The following EME2 variants were observed in gnomAD, a reference collection of about 807,000 sequenced individuals.
The protein encoded by EME2 is structure-specific endonuclease subunit EME2.
EME2 carries 58 observed loss-of-function variants against 41.9 expected under a neutral mutation model. That is an observed-to-expected ratio of 1.38 (90% CI 1.12 to 1.72). The LOEUF (loss-of-function observed/expected upper bound fraction) is 1.72. Among genes scored for constraint, EME2 ranks in the 40% most tolerant of loss-of-function variants. The pLI is 0.00. For synonymous variants in EME2, 334 were observed against 239.3 expected, an observed-to-expected ratio of 1.40 and a Z score of -3.65; for missense variants, 695 against 541.9, an observed-to-expected ratio of 1.28 and a Z score of -2.81.
At position 1,777,223 on chromosome 16, in the gene EME2, G is replaced by A; in HGVS notation, c.*985G>A. On this transcript the variant is annotated 3_prime_UTR_variant, in exon 8 of 8. Transcript: ENST00000568449. ...GGCTGCAACTCATGCTCAGGACCCA[G>A]CCCAGCTTGTTGTGTAGCACCTGCT... The A allele has an allele frequency of 1.2e-6, 2 of 1,610,624 alleles. No individual in the cohort carries two copies. The highest frequency in any genetic ancestry group is 2.2e-5 in the South Asian group (2 of 91,086).
At position 1,777,118 on chromosome 16, in the gene EME2, C is replaced by A; in HGVS notation, c.*880C>A. 6.2e-7 allele frequency: 1 copy of A among 1,611,200 alleles called. No homozygotes were observed. Among genetic ancestry groups the A allele is most frequent in the African/African-American group, 1.3e-5 (1 of 75,026 alleles). On this transcript the variant is annotated 3_prime_UTR_variant, in exon 8 of 8. Coordinates refer to ENST00000568449, the MANE Select transcript of EME2 (RefSeq NM_001257370.2). The stretch of plus-strand genomic sequence containing the variant: ...TCAGTCAGGTCCGGCGGCAGCGCTT[C>A]CTCTGGCAGGGCCGAGGCTCGCGAC...
Position 1,774,193 on chromosome 16 carries a change from G to A in EME2, c.385-67G>A, listed in dbSNP as rs1222073954. 2.2e-6 allele frequency: 3 copies of A among 1,395,222 alleles called. No homozygotes were observed. In the African/African-American group the frequency reaches 4.2e-5, roughly 20 times the overall value. The allele number at this position is 1,395,222 out of a possible 1,614,324, so 86.4% of individuals were successfully genotyped here. A position where few individuals can be genotyped will look rare whatever the true frequency, so the allele number is the denominator to read the frequency against. ...CCACGAACCGCTTTGCTGCTGGACT[G>A]CCCAGGCAGGGCCCCTGGGGCACCC... On this transcript the variant is annotated intron_variant, in intron 2 of 7. Coordinates refer to ENST00000568449, the MANE Select transcript of EME2 (RefSeq NM_001257370.2).
rs1190037304 is a variant in EME2, at chr16:1,776,785, T to C, written c.*547T>C. ...GACGGCGGGGCAGCCGCTGACAGCA[T>C]GCAGAGCAAGTTAGGAAAAACCGAG... On this transcript the variant is annotated 3_prime_UTR_variant, in exon 8 of 8. Coordinates refer to ENST00000568449, the MANE Select transcript of EME2 (RefSeq NM_001257370.2). 3.0e-5 allele frequency: 14 copies of C among 470,850 alleles called. No individual in the cohort carries two copies. In the East Asian group the frequency reaches 4.8e-4, roughly 16 times the overall value. The allele number at this position is 470,850 out of a possible 1,614,324, so 29.2% of individuals were successfully genotyped here. A position where few individuals can be genotyped will look rare whatever the true frequency, so the allele number is the denominator to read the frequency against.
intron 3 of EME2, 65 bp downstream of exon 3, chr16:1,774,417 CT>C (rs1202593637): frequency 9.4e-5 from 129 of 1,368,088 alleles, no homozygotes; most frequent in Non-Finnish European, 1.2e-4. Flanking sequence ...CGGGAGGCGC[CT>C]GCTCCGCCGG....
rs1028445254 is a variant in EME2, at chr16:1,773,823, C to T, written c.366C>T (p.Pro122=). The T allele has an allele frequency of 3.7e-5, 58 of 1,552,758 alleles. No individual in the cohort carries two copies. Among genetic ancestry groups the T allele is most frequent in the Non-Finnish European group, 5.0e-5 (58 of 1,152,022 alleles). ...ARSLRWTRAS[P]DPCPRSLPPE... ...GCCTGCGGTGGACCCGAGCGAGTCC[C>T]GACCCCTGCCCCCGCAGCGTGAGTG... Residue 122 remains proline, a synonymous_variant, in exon 2 of 8, where the codon CCC becomes CCT. Coordinates refer to ENST00000568449, the MANE Select transcript of EME2 (RefSeq NM_001257370.2).
rs764193903 is a variant in EME2, at chr16:1,781,207, C to T, written c.*4969C>T. 11 of 1,565,126 alleles carry T rather than the reference C, an allele frequency of 7.0e-6. No homozygotes were observed. The South Asian group carries it at 9.2e-5, about 13-fold the overall frequency. On this transcript the variant is annotated 3_prime_UTR_variant, in exon 8 of 8. Transcript: ENST00000568449. Reference sequence around the variant, plus strand: ...AAGAGTCTTACTGAATGCGGTGCATCCAGGAGACAGGCCCAGGTTTGGACT... The same window carrying T: ...AAGAGTCTTACTGAATGCGGTGCATTCAGGAGACAGGCCCAGGTTTGGACT...
Position 1,777,219 on chromosome 16 carries a change from C to T in EME2, c.*981C>T, listed in dbSNP as rs1247331835. On this transcript the variant is annotated 3_prime_UTR_variant, in exon 8 of 8. Coordinates refer to ENST00000568449, the MANE Select transcript of EME2 (RefSeq NM_001257370.2). ...CGGCGGCTGCAACTCATGCTCAGGA[C>T]CCAGCCCAGCTTGTTGTGTAGCACC... 1.2e-6 allele frequency: 2 copies of T among 1,610,608 alleles called. No individual in the cohort carries two copies. Among genetic ancestry groups the T allele is most frequent in the African/African-American group, 2.7e-5 (2 of 74,928 alleles).
rs2042735077 is a variant in EME2, at chr16:1,777,732, C to T, written c.*1494C>T. The T allele has an allele frequency of 1.2e-6, 2 of 1,610,776 alleles. No individual in the cohort carries two copies. The highest frequency in any genetic ancestry group is 1.7e-6 in the Non-Finnish European group (2 of 1,179,058). On this transcript the variant is annotated 3_prime_UTR_variant, in exon 8 of 8. Transcript: ENST00000568449. ...GTGACAGCTGAGAGGAGCTCAAGTC[C>T]TGTGACGGCCTCACCTATACACTTC... is the stretch of plus-strand genomic sequence containing the variant.
Position 1,776,457 on chromosome 16 carries a change from G to A in EME2, c.*219G>A. ...CTGGCAGATGGCTGGCGGTTCCTGT[G>A]CTGAGTCCTGAACACGTAGGCCCCA... On this transcript the variant is annotated 3_prime_UTR_variant, in exon 8 of 8. Coordinates refer to ENST00000568449, the MANE Select transcript of EME2 (RefSeq NM_001257370.2). The A allele has an allele frequency of 5.4e-6, 3 of 556,482 alleles. No individual in the cohort carries two copies. Among genetic ancestry groups the A allele is most frequent in the Non-Finnish European group, 6.3e-6 (2 of 315,486 alleles). The allele number at this position is 556,482 out of a possible 1,614,324, so 34.5% of individuals were successfully genotyped here.
chr16:1,777,864 G>A lies in EME2; in HGVS notation c.*1626G>A. On this transcript the variant is annotated 3_prime_UTR_variant, in exon 8 of 8. Coordinates refer to ENST00000568449, the MANE Select transcript of EME2 (RefSeq NM_001257370.2). ...AAGCTGGTCTTGTCGCCCTTGTGGT[G>A]GAGGAGGCCTGGGGGCAGCCAGGGT... 1 of 1,612,286 alleles carries A rather than the reference G, an allele frequency of 6.2e-7. No homozygotes were observed. Among genetic ancestry groups the A allele is most frequent in the Non-Finnish European group, 8.5e-7 (1 of 1,179,620 alleles).
rs1056386574 is a variant in EME2 at position 1,772,844 on chromosome 16, C to G, written c.-384C>G. The G allele has an allele frequency of 9.0e-6, 13 of 1,443,598 alleles. 1 individual carries two copies. In the African/African-American group the frequency reaches 1.9e-4, roughly 21 times the overall value. 89.4% of individuals were successfully genotyped at this position (1,443,598 alleles called of 1,614,324 possible). On this transcript the variant is annotated 5_prime_UTR_variant, in exon 1 of 8. Coordinates refer to ENST00000568449, the MANE Select transcript of EME2 (RefSeq NM_001257370.2). ...GCACCCGCGTGAGGCGCCAGTAGCA[C>G]GGCTCGTCGTGCTGCCACAGCCAGG...
In EME2 at chr16:1,777,469, C is replaced by T; in HGVS notation, c.*1231C>T. On this transcript the variant is annotated 3_prime_UTR_variant, in exon 8 of 8. Transcript: ENST00000568449. ...CTGGAAGGGAGGGGCCCAGCCTGAA[C>T]CCCAGGCAGGGAAGGGGCCAGCTAC... The T allele has an allele frequency of 6.8e-7, 1 of 1,469,366 alleles. No homozygotes were observed. The highest frequency in any genetic ancestry group is 9.0e-7 in the Non-Finnish European group (1 of 1,111,262). 91.0% of individuals were successfully genotyped at this position (1,469,366 alleles called of 1,614,324 possible). A position where few individuals can be genotyped will look rare whatever the true frequency, so the allele number is the denominator to read the frequency against.
In EME2 at chr16:1,772,932, C is replaced by T. The variant is rs1457974718; in HGVS notation, c.-296C>T. ...GAGGCGGCCGAGCAGCTGCAAGAGG[C>T]GGCTCTCGCGGCGCACGTCGGCCCA... On this transcript the variant is annotated 5_prime_UTR_variant, in exon 1 of 8. Coordinates refer to ENST00000568449, the MANE Select transcript of EME2 (RefSeq NM_001257370.2). 7 of 1,444,430 alleles carry T rather than the reference C, an allele frequency of 4.8e-6. No homozygotes were observed. Among genetic ancestry groups the T allele is most frequent in the Admixed American group, 5.7e-5 (2 of 35,260 alleles). The allele number at this position is 1,444,430 out of a possible 1,614,324, so 89.5% of individuals were successfully genotyped here.
chr16:1,777,695 G>C lies in EME2; in HGVS notation c.*1457G>C. 1 of 1,598,574 alleles carries C rather than the reference G, an allele frequency of 6.3e-7. No individual in the cohort carries two copies. The highest frequency in any genetic ancestry group is 2.2e-5 in the East Asian group (1 of 44,590). Reference sequence around the variant, plus strand: ...TCCCCTGGGCTGGGGCGGGGTGGCTGCCTCCCTCGGGGTGACAGCTGAGAG... The same window carrying C: ...TCCCCTGGGCTGGGGCGGGGTGGCTCCCTCCCTCGGGGTGACAGCTGAGAG... On this transcript the variant is annotated 3_prime_UTR_variant, in exon 8 of 8. Transcript: ENST00000568449.
chr16:1,775,492 T>C, intron 5 of EME2, 77 bp from the exon 6 acceptor site: 2 of 1,595,088 alleles, frequency 1.3e-6, no homozygotes, highest in Admixed American at 1.7e-5. Flanking sequence ...CCCAGCGTGG[T>C]ACATGGGGCA....
chr16:1,777,701 C>T lies in EME2; in HGVS notation c.*1463C>T. On this transcript the variant is annotated 3_prime_UTR_variant, in exon 8 of 8. Transcript: ENST00000568449. ...GGGCTGGGGCGGGGTGGCTGCCTCCCTCGGGGTGACAGCTGAGAGGAGCTC... is the reference window on the plus strand; with the variant it reads ...GGGCTGGGGCGGGGTGGCTGCCTCCTTCGGGGTGACAGCTGAGAGGAGCTC... 1 of 1,602,078 alleles carries T rather than the reference C, an allele frequency of 6.2e-7. No homozygotes were observed. The highest frequency in any genetic ancestry group is 8.5e-7 in the Non-Finnish European group (1 of 1,173,252).
Position 1,775,421 on chromosome 16 carries a change from C to T in EME2, c.663+13C>T. On this transcript the variant is annotated intron_variant, in intron 5 of 7. Transcript: ENST00000568449. The stretch of plus-strand genomic sequence containing the variant: ...GGAGGTGGAAGAGGTGAGGGCCTGT[C>T]TGAGCTGGGTGAGTCAGGTGGCCTG... 7 of 1,612,104 alleles carry T rather than the reference C, an allele frequency of 4.3e-6. No individual in the cohort carries two copies. The highest frequency in any genetic ancestry group is 5.9e-6 in the Non-Finnish European group (7 of 1,179,334).
Position 1,778,388 on chromosome 16 carries a change from G to A in EME2, c.*2150G>A, listed in dbSNP as rs1248527452. On this transcript the variant is annotated 3_prime_UTR_variant, in exon 8 of 8. Transcript: ENST00000568449. Reference sequence around the variant, plus strand: ...TGGGGCTCTGCCCTGCCCACCCCCAGGCCCGCCCGCAGTGCAGTCCCAGCA... The same window carrying A: ...TGGGGCTCTGCCCTGCCCACCCCCAAGCCCGCCCGCAGTGCAGTCCCAGCA... 1.2e-6 allele frequency: 2 copies of A among 1,606,828 alleles called. No homozygotes were observed. Among genetic ancestry groups the A allele is most frequent in the South Asian group, 1.1e-5 (1 of 90,724 alleles).
Position 1,777,750 on chromosome 16 carries a change from TAC to T in EME2, c.*1515_*1516del. 1.2e-6 allele frequency: 2 copies of T among 1,612,340 alleles called. No homozygotes were observed. Among genetic ancestry groups the T allele is most frequent in the Non-Finnish European group, 1.7e-6 (2 of 1,179,878 alleles). On this transcript the variant is annotated 3_prime_UTR_variant, in exon 8 of 8. Coordinates refer to ENST00000568449, the MANE Select transcript of EME2 (RefSeq NM_001257370.2). ...TCAAGTCCTGTGACGGCCTCACCTA[TAC>T]ACTTCCTGTTCTTGAAAAAGGTGAG...
Sources: allele counts gnomAD v4.1 joint callset, GRCh38; gene constraint gnomAD v4.1.1; transcripts MANE v1.5; gene names NCBI Gene and HGNC (gene_info 2026-07-23, HGNC 2026-07-21).